The following GNA14 variants were observed in gnomAD, a reference collection of about 807,000 sequenced individuals.
GNA14 encodes guanine nucleotide-binding protein subunit alpha-14.
Under a neutral mutation model 42.0 loss-of-function variants are expected in GNA14, and 50 were observed. The ratio of observed to expected loss-of-function variants is 1.19; its 90% CI spans 0.95 to 1.51. The LOEUF (loss-of-function observed/expected upper bound fraction) is 1.51, where lower values mean the gene tolerates loss of function less well. Ranked by LOEUF, GNA14 falls within the 40% of genes most tolerant of loss-of-function variation. GNA14 has a pLI of 0.00. For synonymous variants in GNA14, 173 were observed against 163.1 expected, an observed-to-expected ratio of 1.06 and a Z score of -0.46; for missense variants, 473 against 446.2, an observed-to-expected ratio of 1.06 and a Z score of -0.54.
At chr9:77,436,516 G>C (rs1255648022) in intron 2 of GNA14, among the ~76,000 whole-genome samples, 4 of 152,214 alleles carry the variant, frequency 2.6e-5, no homozygotes. Flanking sequence ...CTGGCATGCT[G>C]CATGTCACGG....
chr9:77,582,620 T>G (rs1402665063), intron 1 of GNA14, among the ~76,000 whole-genome samples: 1 of 152,220 alleles, frequency 6.6e-6, no homozygotes, highest in Non-Finnish European at 1.5e-5. Context: ...TCTGAACTTT[T>G]CAAACACAAC....
At chr9:77,493,626 T>TTTGTATATG (rs1166440031) in intron 2 of GNA14, among the ~76,000 whole-genome samples, 1 of 152,234 alleles carries the variant, frequency 6.6e-6, no homozygotes, top group Admixed American at 6.5e-5. Flanking sequence ...TTATGTTGAA[T>TTTGTATATG]AATTATGTAT....
chr9:77,544,988 T>A (rs1837703796), intron 1 of GNA14, among the ~76,000 whole-genome samples: 1 of 152,156 alleles, frequency 6.6e-6, no homozygotes, highest in Admixed American at 6.5e-5. Flanking sequence ...AATTTCTCCT[T>A]GCACAATTAT....
rs774797891 is a variant in GNA14 at position 77,459,032 on chromosome 9, G to A, written c.310-24510C>T. On this transcript the variant is annotated intron_variant, in intron 2 of 6. Coordinates refer to ENST00000341700, the MANE Select transcript of GNA14 (RefSeq NM_004297.4). Reference sequence around the variant, plus strand: ...CATGATAAAAAAGTAAGGGACATGCGCAACAATGAGAATGTACTTAATGCC... The same window carrying A: ...CATGATAAAAAAGTAAGGGACATGCACAACAATGAGAATGTACTTAATGCC... 2.8e-4 allele frequency among the ~76,000 whole-genome samples: 42 copies of A among 152,002 alleles called. 1 individual carries two copies. The highest frequency in any genetic ancestry group is 4.4e-4 in the Non-Finnish European group (30 of 68,022).
Position 77,645,379 on chromosome 9 carries a change from G to T in GNA14, c.124+2291C>A, listed in dbSNP as rs1293397442. Among the ~76,000 whole-genome samples the T allele has an allele frequency of 4.6e-5, 7 of 152,346 alleles. No individual in the cohort carries two copies. In the East Asian group the frequency reaches 1.4e-3, roughly 29 times the overall value. ...ACTTCTGAGTCATTGGCTCTTCCTT[G>T]AGAAGAAATGGAGCTATGCCCCAGG... On this transcript the variant is annotated intron_variant, in intron 1 of 6. Coordinates refer to ENST00000341700, the MANE Select transcript of GNA14 (RefSeq NM_004297.4).
At chr9:77,451,178 C>T (rs993018701) in intron 2 of GNA14, among the ~76,000 whole-genome samples, 1 of 152,194 alleles carries the variant, frequency 6.6e-6, no homozygotes, top group Admixed American at 6.5e-5. Context: ...ATAATCTCAG[C>T]TCATCCCCTA....
rs117152592 is a variant in GNA14, at chr9:77,447,559, T to G, written c.310-13037A>C. On this transcript the variant is annotated intron_variant, in intron 2 of 6. Coordinates refer to ENST00000341700, the MANE Select transcript of GNA14 (RefSeq NM_004297.4). ...AGAGGACAGGCTAATGACCCCTGAA[T>G]TTCAGTGCCTTAACAGCACAGGTGT... is the stretch of plus-strand genomic sequence containing the variant. Among the ~76,000 whole-genome samples, 117 of 152,270 alleles carry G rather than the reference T, an allele frequency of 7.7e-4. 1 individual carries two copies. In the East Asian group the frequency reaches 0.02, roughly 26 times the overall value.
chr9:77,602,074 C>T (rs547952999), intron 1 of GNA14, among the ~76,000 whole-genome samples: 23 of 152,310 alleles, frequency 1.5e-4, no homozygotes, highest in African/African-American at 5.1e-4. Flanking sequence ...TCCTCATTGT[C>T]CTCACACATA....
chr9:77,487,870 A>T (rs1836687670), intron 2 of GNA14, among the ~76,000 whole-genome samples: 1 of 152,220 alleles, frequency 6.6e-6, no homozygotes, highest in Non-Finnish European at 1.5e-5. Context: ...CATCTCGCTC[A>T]GATCTCACTG....
At chr9:77,595,032 C>T (rs1394601594) in intron 1 of GNA14, among the ~76,000 whole-genome samples, 1 of 152,224 alleles carries the variant, frequency 6.6e-6, no homozygotes, top group Non-Finnish European at 1.5e-5. Context: ...GAAACCATCT[C>T]TGACCACTTC....
At chr9:77,596,316 G>T (rs1044073792) in intron 1 of GNA14, among the ~76,000 whole-genome samples, 1 of 152,120 alleles carries the variant, frequency 6.6e-6, no homozygotes, top group East Asian at 1.9e-4. Flanking sequence ...AACTTTCAAA[G>T]GATGACAGTG....
intron 2 of GNA14, among the ~76,000 whole-genome samples, chr9:77,514,689 C>A (rs963668923): frequency 6.6e-6 from 1 of 150,748 alleles, no homozygotes; most frequent in Non-Finnish European, 1.5e-5. Flanking sequence ...TCTCGGCTCA[C>A]TGCAAGCTCC....
chr9:77,477,193 C>A (rs995001026), intron 2 of GNA14, among the ~76,000 whole-genome samples: 2 of 151,964 alleles, frequency 1.3e-5, no homozygotes, highest in African/African-American at 2.4e-5. Context: ...CCTGTCTCTA[C>A]TAAAAATACA....
At chr9:77,572,694 A>G (rs1356012489) in intron 1 of GNA14, among the ~76,000 whole-genome samples, 1 of 152,224 alleles carries the variant, frequency 6.6e-6, no homozygotes, top group Non-Finnish European at 1.5e-5. Flanking sequence ...AAATATATTA[A>G]GCAATAATGA....
intron 1 of GNA14, among the ~76,000 whole-genome samples, chr9:77,626,452 T>C (rs1207666168): frequency 2.0e-5 from 3 of 152,124 alleles, no homozygotes; most frequent in East Asian, 1.9e-4. Context: ...CGGCACCACA[T>C]TGCACTTAGT....
At position 77,623,847 on chromosome 9, in the gene GNA14, G is replaced by T. The variant is rs1823972386; in HGVS notation, c.124+23823C>A. ...GAAGCACAAAACTGGGCTGCTGTTT[G>T]GGCAGACACTGAGCTAAATGCAGGA... is the stretch of plus-strand genomic sequence containing the variant. On this transcript the variant is annotated intron_variant, in intron 1 of 6. Coordinates refer to ENST00000341700, the MANE Select transcript of GNA14 (RefSeq NM_004297.4). 3.3e-5 allele frequency among the ~76,000 whole-genome samples: 5 copies of T among 152,330 alleles called. 1 individual carries two copies. In the South Asian group the frequency reaches 1.0e-3, roughly 32 times the overall value.
At chr9:77,457,335 G>A (rs1250466181) in intron 2 of GNA14, among the ~76,000 whole-genome samples, 1 of 152,190 alleles carries the variant, frequency 6.6e-6, no homozygotes, top group South Asian at 2.1e-4. Context: ...TGCCCCTTGG[G>A]GGTCTATGTT....
At chr9:77,461,806 T>C (rs573526318) in intron 2 of GNA14, among the ~76,000 whole-genome samples, 1 of 152,330 alleles carries the variant, frequency 6.6e-6, no homozygotes, top group African/African-American at 2.4e-5. Flanking sequence ...GCCCAGTGCT[T>C]TCTGATATTC....
At chr9:77,469,984 G>A (rs1836301769) in intron 2 of GNA14, among the ~76,000 whole-genome samples, 1 of 152,214 alleles carries the variant, frequency 6.6e-6, no homozygotes, top group Admixed American at 6.5e-5. Flanking sequence ...GGCCGTATGA[G>A]TGATGCTGAG....
Sources: gnomAD v4.1 joint callset for allele counts (sites outside exome capture counted in the v4.1 genomes callset) on GRCh38, gnomAD v4.1.1 for gene constraint, MANE v1.5 for transcripts, NCBI Gene and HGNC (gene_info 2026-07-23, HGNC 2026-07-21) for gene names.